Variants in GABPB2 observed in about 807,000 individuals in gnomAD.
GABPB2 encodes the protein GA-binding protein subunit beta-2.
Under a neutral mutation model 39.1 loss-of-function variants are expected in GABPB2, and 23 were observed. That is an observed-to-expected ratio of 0.59 (90% confidence interval 0.42 to 0.83). GABPB2 has a LOEUF of 0.83. GABPB2 is among the 40% of genes least tolerant of loss of function. The pLI is 0.00. For synonymous variants in GABPB2, 184 were observed against 199.3 expected, an observed-to-expected ratio of 0.92 and a Z score of 0.65; for missense variants, 467 against 541.1, an observed-to-expected ratio of 0.86 and a Z score of 1.36.
chr1:151,109,414 A>T (rs587739674), intron 7 of GABPB2, among the ~76,000 whole-genome samples: 1 of 145,602 alleles, frequency 6.9e-6, no homozygotes, highest in East Asian at 2.0e-4. Context: ...GCTGGAGTGC[A>T]GTGGCACAAT....
At chr1:151,098,064 C>T in intron 5 of GABPB2, 62 bp downstream of exon 5, 1 of 1,444,882 alleles carries the variant, frequency 6.9e-7, no homozygotes, top group Non-Finnish European at 9.7e-7. Context: ...CCTAGATTTT[C>T]CAGGAGATGA....
At chr1:151,075,172 C>A (rs11577446) in intron 1 of GABPB2, among the ~76,000 whole-genome samples, 1 of 151,776 alleles carries the variant, frequency 6.6e-6, no homozygotes, top group Non-Finnish European at 1.5e-5. Context: ...CGCAGTGGCT[C>A]ATGCCTGTAA....
intron 5 of GABPB2, among the ~76,000 whole-genome samples, chr1:151,102,614 G>A (rs747443478): frequency 1.8e-4 from 27 of 151,854 alleles, no homozygotes; most frequent in Non-Finnish European, 3.2e-4. Flanking sequence ...GCTAATTTTT[G>A]TATTTTTAGT....
chr1:151,076,262 A>AT (rs1345341100), intron 1 of GABPB2, among the ~76,000 whole-genome samples: 3 of 152,172 alleles, frequency 2.0e-5, no homozygotes, highest in African/African-American at 7.2e-5. Context: ...TTACTAGCTG[A>AT]TTCCAGTATG....
intron 6 of GABPB2, among the ~76,000 whole-genome samples, chr1:151,104,916 C>A (rs1036688398): frequency 6.7e-6 from 1 of 149,626 alleles, no homozygotes; most frequent in Admixed American, 6.8e-5. Flanking sequence ...TTCTTTCTTT[C>A]CTTCTTGAGA....
rs1558140597 is a variant in GABPB2, at chr1:151,093,333, GC to G, written c.420del (p.Phe141LeufsTer3). 6 of 1,611,458 alleles carry G rather than the reference GC, an allele frequency of 3.7e-6. No individual in the cohort carries two copies. The highest frequency in any genetic ancestry group is 5.1e-6 in the Non-Finnish European group (6 of 1,179,086). ...TGCTTTCAGCAAATTTGATAAATCAGCCTTTGACATAGCTCTGGAGAAAAAC... is the reference window on the plus strand; with the variant it reads ...TGCTTTCAGCAAATTTGATAAATCAGCTTTGACATAGCTCTGGAGAAAAAC... ...VHAFSKFDKSAFDIALEKNNA... is the reference protein window; with the variant it reads ...VHAFSKFDKSXFDIALEKNNA... On this transcript the variant is annotated frameshift_variant, in exon 4 of 9. Coordinates refer to ENST00000368918, the MANE Select transcript of GABPB2 (RefSeq NM_144618.3). LOFTEE classifies it high-confidence loss of function.
At chr1:151,099,886 T>C (rs1057108246) in intron 5 of GABPB2, among the ~76,000 whole-genome samples, 8 of 152,230 alleles carry the variant, frequency 5.3e-5, no homozygotes, top group African/African-American at 1.9e-4. Flanking sequence ...AGAATTTGTA[T>C]TTCAAGGTCC....
Position 151,090,294 on chromosome 1 carries a change from A to G in GABPB2, c.109-112A>G, listed in dbSNP as rs189963390. 590 of 1,055,836 alleles carry G rather than the reference A, an allele frequency of 5.6e-4. 2 individuals carry two copies. Among genetic ancestry groups the G allele is most frequent in the South Asian group, 1.3e-3 (76 of 60,154 alleles). 65.4% of individuals were successfully genotyped at this position (1,055,836 alleles called of 1,614,324 possible). A position where few individuals can be genotyped will look rare whatever the true frequency, so the allele number is the denominator to read the frequency against. On this transcript the variant is annotated intron_variant, in intron 2 of 8. Coordinates refer to ENST00000368918, the MANE Select transcript of GABPB2 (RefSeq NM_144618.3). ...GCATTTTTTCAGTTTTATCTGCCCA[A>G]CCAGATTCTCTCTTGAAGGACAAGA... is the stretch of plus-strand genomic sequence containing the variant.
intron 1 of GABPB2, among the ~76,000 whole-genome samples, chr1:151,073,728 T>C (rs779666993): frequency 1.3e-5 from 2 of 151,978 alleles, no homozygotes; most frequent in Non-Finnish European, 2.9e-5. Flanking sequence ...AAGACCAGCC[T>C]GGCCAACATG....
chr1:151,107,774 A>G (rs1232965271), intron 7 of GABPB2, among the ~76,000 whole-genome samples: 1 of 152,124 alleles, frequency 6.6e-6, no homozygotes, highest in African/African-American at 2.4e-5. Flanking sequence ...CATCTCTACT[A>G]AAAATACAAA....
At chr1:151,115,197 C>T (rs1208968731) in intron 7 of GABPB2, among the ~76,000 whole-genome samples, 5 of 151,622 alleles carry the variant, frequency 3.3e-5, no homozygotes, top group African/African-American at 1.2e-4. Context: ...CCCATCTCTA[C>T]TAAAAATACA....
At chr1:151,108,265 G>A (rs927529934) in intron 7 of GABPB2, among the ~76,000 whole-genome samples, 1 of 152,132 alleles carries the variant, frequency 6.6e-6, no homozygotes, top group South Asian at 2.1e-4. Flanking sequence ...CAGCTCCCTG[G>A]TTCAAGTAAT....
chr1:151,077,916 C>A (rs1244944441), intron 1 of GABPB2, among the ~76,000 whole-genome samples: 1 of 151,932 alleles, frequency 6.6e-6, no homozygotes, highest in Non-Finnish European at 1.5e-5. Context: ...CACACCATTG[C>A]ACTCCAGCCT....
intron 1 of GABPB2, among the ~76,000 whole-genome samples, chr1:151,073,509 G>A (rs944516331): frequency 3.9e-5 from 6 of 152,204 alleles, no homozygotes; most frequent in African/African-American, 1.2e-4. Flanking sequence ...CCACCTGCCA[G>A]AACCAGCATG....
At chr1:151,103,451 A>C (rs1484632025) in intron 5 of GABPB2, 111 bp from the exon 6 acceptor site, 1 of 672,996 alleles carries the variant, frequency 1.5e-6, no homozygotes, top group East Asian at 2.6e-5. Context: ...TTAGAGAACA[A>C]GATTGAGGAC....
intron 5 of GABPB2, among the ~76,000 whole-genome samples, chr1:151,099,406 C>T (rs1448407067): frequency 6.6e-6 from 1 of 152,054 alleles, no homozygotes; most frequent in Admixed American, 6.6e-5. Context: ...CCGTGTTAGC[C>T]AGGATGGTCT....
intron 6 of GABPB2, among the ~76,000 whole-genome samples, chr1:151,104,873 CCTCT>C (rs986203949): frequency 3.5e-4 from 51 of 144,954 alleles, no homozygotes; most frequent in East Asian, 1.2e-3. Context: ...TCCCTCCCTC[CCTCT>C]CTCTCTCTCT....
intron 1 of GABPB2, among the ~76,000 whole-genome samples, chr1:151,072,530 C>T (rs1371009772): frequency 6.6e-6 from 1 of 151,622 alleles, no homozygotes; most frequent in African/African-American, 2.4e-5. Flanking sequence ...GCCTGGACCA[C>T]AGAGTGAGGC....
Position 151,125,087 on chromosome 1 carries a change from C to T in GABPB2, c.*6831C>T, listed in dbSNP as rs1001788831. ...TTTCTCTCTCCGTTCCCCTCCTTCCCTACCACATATTTTTTGTTTATTCTG... is the reference window on the plus strand; with the variant it reads ...TTTCTCTCTCCGTTCCCCTCCTTCCTTACCACATATTTTTTGTTTATTCTG... On this transcript the variant is annotated 3_prime_UTR_variant, in exon 9 of 9. Coordinates refer to ENST00000368918, the MANE Select transcript of GABPB2 (RefSeq NM_144618.3). The T allele has an allele frequency of 1.3e-5, 2 of 152,196 alleles. No homozygotes were observed. The highest frequency in any genetic ancestry group is 4.8e-5 in the African/African-American group (2 of 41,420). 9.4% of individuals were successfully genotyped at this position (152,196 alleles called of 1,614,324 possible). A position where few individuals can be genotyped will look rare whatever the true frequency, so the allele number is the denominator to read the frequency against.
Sources: gnomAD v4.1 joint callset for allele counts (sites outside exome capture counted in the v4.1 genomes callset) on GRCh38, gnomAD v4.1.1 for gene constraint, MANE v1.5 for transcripts, NCBI Gene and HGNC (gene_info 2026-07-23, HGNC 2026-07-21) for gene names.